Variants in CLSPN observed in about 807,000 individuals in gnomAD.
CLSPN encodes the protein claspin homolog.
A neutral mutation model predicts 156.3 loss-of-function variants in CLSPN; 85 were observed. The ratio of observed to expected loss-of-function variants is 0.54; its 90% CI spans 0.46 to 0.65. CLSPN has a LOEUF of 0.65. Ranked by LOEUF, CLSPN falls within the 30% of genes least tolerant of loss-of-function variation. The probability of loss-of-function intolerance (pLI) is 0.00; values close to 1 mark genes in which losing one functional copy is unlikely to be tolerated. For synonymous variants in CLSPN, 534 were observed against 542.4 expected, an observed-to-expected ratio of 0.98 and a Z score of 0.22; for missense variants, 1,407 against 1,554.9, an observed-to-expected ratio of 0.90 and a Z score of 1.60.
intron 12 of CLSPN, chr1:35,748,820 C>CTTTTTTTTT (rs201350754): frequency 1.4e-5 from 4 of 293,536 alleles, no homozygotes; most frequent in South Asian, 2.5e-5. Flanking sequence ...CTTGAAAGTT[C>CTTTTTTTTT]TTTTTTTTTT....
downstream of CLSPN, among the ~76,000 whole-genome samples, chr1:35,730,567 TAAAAAAAAAAAAAA>T (rs56320150): frequency 1.6e-5 from 1 of 62,028 alleles, no homozygotes; most frequent in Non-Finnish European, 3.0e-5. Context: ...GAATCCATAT[TAAAAAAAAAAAAAA>T]AAAAAAAAAA....
At position 35,764,283 on chromosome 1, in the gene CLSPN, T is replaced by C. The variant is rs1209800935; in HGVS notation, c.565A>G (p.Lys189Glu). The part of the protein sequence containing the change: ...KMEKIRQLKK[K>E]ETKNQEDDVE... ...AAATGTACCTGGTTTTTTGTTTCCTTCTTTTTTAGCTGTCTAATTTTTTCC... is the reference window on the plus strand; with the variant it reads ...AAATGTACCTGGTTTTTTGTTTCCTCCTTTTTTAGCTGTCTAATTTTTTCC... Residue 189 changes from lysine to glutamate, a missense_variant, in exon 3 of 25, where the codon AAG becomes GAG. Lys to Glu is a moderately conservative substitution (Grantham distance 56, BLOSUM62 1). Transcript: ENST00000318121. The C allele has an allele frequency of 1.3e-6, 2 of 1,566,658 alleles. No individual in the cohort carries two copies. Among genetic ancestry groups the C allele is most frequent in the Admixed American group, 4.2e-5 (2 of 47,182 alleles).
In CLSPN at chr1:35,751,456, G is replaced by A. The variant is rs1367799723; in HGVS notation, c.1822C>T (p.Arg608Ter). The A allele has an allele frequency of 6.2e-6, 10 of 1,613,822 alleles. No homozygotes were observed. In the African/African-American group the frequency reaches 8.0e-5, roughly 13 times the overall value. Residue 608 changes from arginine to a stop codon, truncating the protein, a stop_gained, in exon 10 of 25, where the codon CGA becomes TGA. Coordinates refer to ENST00000318121, the MANE Select transcript of CLSPN (RefSeq NM_022111.4). LOFTEE classifies it high-confidence loss of function. ...KAKLQEAMKL[R>*]RFEERQKRQA... ...CGCTTCTGGCGCTCCTCAAACCTTC[G>A]GAGTTTCATTGCTTCTTGCAGTTTA...
rs910943936 is a variant in CLSPN, at chr1:35,743,650, G to A, written c.2967-120C>T. On this transcript the variant is annotated intron_variant, in intron 16 of 24. Transcript: ENST00000318121. ...TAATTTTTTTTTTTTCTCTGAGACA[G>A]TCTTGGTCTCTTACACCACCTGGAA... 8.6e-6 allele frequency: 6 copies of A among 693,708 alleles called. No homozygotes were observed. The Admixed American group carries it at 1.5e-4, about 17-fold the overall frequency. 43.0% of individuals were successfully genotyped at this position (693,708 alleles called of 1,614,324 possible). A position where few individuals can be genotyped will look rare whatever the true frequency, so the allele number is the denominator to read the frequency against.
intron 18 of CLSPN, among the ~76,000 whole-genome samples, chr1:35,742,201 T>G (rs1462633368): frequency 1.3e-5 from 2 of 152,092 alleles, no homozygotes; most frequent in African/African-American, 4.8e-5. Flanking sequence ...AGGATTTAAG[T>G]TAAAAAGTGG....
intron 8 of CLSPN, 146 bp from the exon 9 acceptor site, chr1:35,754,082 C>T: frequency 1.6e-6 from 1 of 628,548 alleles, no homozygotes; most frequent in South Asian, 2.3e-5. Context: ...GCTACTAACT[C>T]CTGAGTCAAA....
chr1:35,736,566 G>A lies in CLSPN; in HGVS notation c.3950C>T (p.Pro1317Leu), dbSNP rs1196841387. 1 of 1,612,706 alleles carries A rather than the reference G, an allele frequency of 6.2e-7. No homozygotes were observed. Among genetic ancestry groups the A allele is most frequent in the Non-Finnish European group, 8.5e-7 (1 of 1,179,534 alleles). The change falls in exon 25 of 25, where the codon CCT (proline) becomes CTT (leucine). Residue 1317 changes from proline (P) to leucine (L), a missense_variant. By Grantham distance (98) the Pro-to-Leu change is moderately conservative. This residue lies in a region of CLSPN where 241 missense variants were observed against 240.5 expected (regional missense o/e 1.00). Transcript: ENST00000318121. ...RGPSFMTSPS[P>L]KHLKTDDSTS... ...GCTATCATCTGTTTTGAGGTGCTTA[G>A]GTGAAGGAGAAGTCATGAAAGATGG... is the stretch of plus-strand genomic sequence containing the variant.
At position 35,753,954 on chromosome 1, in the gene CLSPN, C is replaced by G. The variant is rs554718460; in HGVS notation, c.1580-18G>C. ...TTCCAGTTCTAAACCCAAACGCCAA[C>G]CAGTGTGTCAGTTTGCCATGCTCAA... On this transcript the variant is annotated intron_variant, in intron 8 of 24. Coordinates refer to ENST00000318121, the MANE Select transcript of CLSPN (RefSeq NM_022111.4). The G allele has an allele frequency of 4.2e-5, 67 of 1,611,764 alleles. No homozygotes were observed. In the East Asian group the frequency reaches 1.4e-3, roughly 33 times the overall value.
chr1:35,748,210 A>G, intron 13 of CLSPN, 149 bp from the exon 14 acceptor site: 1 of 1,013,492 alleles, frequency 9.9e-7, no homozygotes, highest in Non-Finnish European at 1.5e-6. Context: ...TGAGAAGCAT[A>G]AAGAAAAATA....
At chr1:35,760,152 A>G (rs1642424012) in intron 8 of CLSPN, among the ~76,000 whole-genome samples, 190 bp downstream of exon 8, 2 of 152,164 alleles carry the variant, frequency 1.3e-5, no homozygotes, top group Admixed American at 6.6e-5. Context: ...CATTTTAAAC[A>G]TGGCTTAGAT....
At chr1:35,742,117 C>CA (rs1641716610) in intron 18 of CLSPN, among the ~76,000 whole-genome samples, 1 of 148,208 alleles carries the variant, frequency 6.7e-6, no homozygotes, top group South Asian at 2.2e-4. Context: ...CCCATCTCTA[C>CA]AAAAAATAGA....
Position 35,760,400 on chromosome 1 carries a change from T to C in CLSPN, c.1521A>G (p.Lys507=), listed in dbSNP as rs1472101686. Residue 507 remains lysine, a synonymous_variant, in exon 8 of 25, where the codon AAA becomes AAG. Coordinates refer to ENST00000318121, the MANE Select transcript of CLSPN (RefSeq NM_022111.4). ...AATCTTCATCAGCACCTAGCCGTGGTTTAATGGAAACATCTACTCCCAGTT... is the reference window on the plus strand; with the variant it reads ...AATCTTCATCAGCACCTAGCCGTGGCTTAATGGAAACATCTACTCCCAGTT... The part of the protein sequence containing the change: ...LKQLGVDVSI[K]PRLGADEDSF... 1.2e-6 allele frequency: 2 copies of C among 1,614,208 alleles called. No homozygotes were observed. The highest frequency in any genetic ancestry group is 2.2e-5 in the South Asian group (2 of 91,074).
At chr1:35,747,866 C>T (rs781302419) in intron 14 of CLSPN, 41 bp downstream of exon 14, 1 of 1,594,874 alleles carries the variant, frequency 6.3e-7, no homozygotes, top group Non-Finnish European at 8.5e-7. Context: ...TTAAGCAGTA[C>T]CCAGCACCAT....
intron 19 of CLSPN, 44 bp downstream of exon 19, chr1:35,739,321 T>G: frequency 6.2e-7 from 1 of 1,613,904 alleles, no homozygotes; most frequent in Non-Finnish European, 8.5e-7. Context: ...GGGCTTGTCT[T>G]AAGATGTACC....
chr1:35,749,405 C>G, intron 12 of CLSPN, 62 bp downstream of exon 12: 1 of 1,521,044 alleles, frequency 6.6e-7, no homozygotes. Flanking sequence ...TACTGCAGTC[C>G]TTAAATATCA....
intron 10 of CLSPN, 40 bp from the exon 11 acceptor site, chr1:35,749,851 C>A: frequency 1.3e-6 from 2 of 1,591,868 alleles, no homozygotes; most frequent in South Asian, 2.3e-5. Context: ...AAATACAAGT[C>A]AAAACATTTA....
chr1:35,762,572 A>G (rs1642520411), intron 4 of CLSPN, 91 bp from the exon 5 acceptor site: 1 of 817,748 alleles, frequency 1.2e-6, no homozygotes, highest in Admixed American at 1.9e-5. Context: ...CCAACACCAC[A>G]TCATGCTACA....
Position 35,735,785 on chromosome 1 carries a change from T to C in CLSPN, c.*711A>G, listed in dbSNP as rs531908817. ...TCTCATGGGTGTAAAGGAGTCATTA[T>C]GGTACTGATTTTCACTGTTTAATCT... On this transcript the variant is annotated 3_prime_UTR_variant, in exon 25 of 25. Coordinates refer to ENST00000318121, the MANE Select transcript of CLSPN (RefSeq NM_022111.4). 7.7e-5 allele frequency: 76 copies of C among 985,310 alleles called. No individual in the cohort carries two copies. Among genetic ancestry groups the C allele is most frequent in the South Asian group, 6.6e-4 (14 of 21,276 alleles). 61.0% of individuals were successfully genotyped at this position (985,310 alleles called of 1,614,324 possible).
chr1:35,727,087 G>A (rs531375115), intron 24 of CLSPN, among the ~76,000 whole-genome samples: 45 of 152,312 alleles, frequency 3.0e-4, no homozygotes, highest in Admixed American at 1.5e-3. Flanking sequence ...TTGCAAAGGA[G>A]TCTCCGTTCT....
Sources: gnomAD v4.1 joint callset for allele counts (sites outside exome capture counted in the v4.1 genomes callset) on GRCh38, gnomAD v4.1.1 for gene constraint, gnomAD v4.1.1 regional missense constraint, MANE v1.5 for transcripts, NCBI Gene and HGNC (gene_info 2026-07-23, HGNC 2026-07-21) for gene names.